MYO3B: variants seen among roughly 807,000 people sequenced by gnomAD.
MYO3B encodes myosin-IIIb.
Under a neutral mutation model 174.6 loss-of-function variants are expected in MYO3B, and 156 were observed. The ratio of observed to expected loss-of-function variants is 0.89; its 90% confidence interval spans 0.78 to 1.02. MYO3B has a LOEUF of 1.02. MYO3B is among the 50% of genes least tolerant of loss of function. MYO3B has a pLI of 0.00. For synonymous variants in MYO3B, 563 were observed against 569.1 expected, an observed-to-expected ratio of 0.99 and a Z score of 0.15; for missense variants, 1,632 against 1,639.4, an observed-to-expected ratio of 1.00 and a Z score of 0.08.
chr2:170,355,579 A>G (rs1389966123), intron 8 of MYO3B, among the ~76,000 whole-genome samples: 1 of 151,516 alleles, frequency 6.6e-6, no homozygotes, highest in Non-Finnish European at 1.5e-5. Context: ...TTTGTTGCCA[A>G]CTCCCACTTG....
chr2:170,272,570 C>T (rs976797004), intron 7 of MYO3B, among the ~76,000 whole-genome samples: 11 of 152,162 alleles, frequency 7.2e-5, no homozygotes, highest in African/African-American at 2.7e-4. Context: ...ACAGTAGTGA[C>T]AGGGCAGGTA....
At chr2:170,580,718 A>ATATATATATATGTGTGTGTGTG (rs768974458) in intron 32 of MYO3B, among the ~76,000 whole-genome samples, 28 of 142,700 alleles carry the variant, frequency 2.0e-4, no homozygotes, top group African/African-American at 6.6e-4. Flanking sequence ...AACCTTATAT[A>ATATATATATATGTGTGTGTGTG]TGTGTGTGTG....
intron 7 of MYO3B, among the ~76,000 whole-genome samples, chr2:170,315,858 C>T (rs969880367): frequency 6.6e-6 from 1 of 152,166 alleles, no homozygotes; most frequent in African/African-American, 2.4e-5. Flanking sequence ...ACTTCAGAGC[C>T]CACACTCTGC....
intron 7 of MYO3B, among the ~76,000 whole-genome samples, chr2:170,267,004 T>C (rs935533272): frequency 6.6e-6 from 1 of 152,256 alleles, no homozygotes; most frequent in African/African-American, 2.4e-5. Context: ...GATTAACATC[T>C]TGATACACAT....
At chr2:170,647,058 C>A (rs756656192) in intron 32 of MYO3B, 1 of 462,416 alleles carries the variant, frequency 2.2e-6, no homozygotes, top group Non-Finnish European at 3.9e-6. Flanking sequence ...ATGTCACTAA[C>A]GTCTTCTTAT....
intron 32 of MYO3B, among the ~76,000 whole-genome samples, chr2:170,564,792 CTG>C (rs1231067986): frequency 1.3e-5 from 2 of 151,768 alleles, no homozygotes; most frequent in South Asian, 4.2e-4. Context: ...TAATATGTAA[CTG>C]TTAAAAATTA....
intron 5 of MYO3B, among the ~76,000 whole-genome samples, chr2:170,215,741 G>A (rs1203794148): frequency 2.0e-5 from 3 of 152,140 alleles, no homozygotes; most frequent in Non-Finnish European, 4.4e-5. Flanking sequence ...TTTTGTTTAA[G>A]TCTTATGCTC....
At chr2:170,219,746 C>G (rs374920878) in intron 6 of MYO3B, among the ~76,000 whole-genome samples, 1 of 152,118 alleles carries the variant, frequency 6.6e-6, no homozygotes, top group African/African-American at 2.4e-5. Context: ...GGCTTCACAA[C>G]TATTGATATT....
At position 170,199,355 on chromosome 2, in the gene MYO3B, G is replaced by A; in HGVS notation, c.150G>A (p.Gly50=). 6.2e-7 allele frequency: 1 copy of A among 1,612,124 alleles called. No individual in the cohort carries two copies. ...ACAAGGTAACTAACAAGAGAGATGG[G>A]AGCCTGGCTGCAGTGAAAATTCTGG... The part of the protein sequence containing the change: ...KVYKVTNKRD[G]SLAAVKILDP... Residue 50 remains glycine (G), a synonymous_variant, in exon 2 of 35, where the codon GGG becomes GGA. Transcript: ENST00000408978.
intron 32 of MYO3B, among the ~76,000 whole-genome samples, chr2:170,561,500 A>G (rs1342899084): frequency 6.6e-6 from 1 of 152,190 alleles, no homozygotes; most frequent in African/African-American, 2.4e-5. Flanking sequence ...GGCTAATGGA[A>G]TCCATGCACC....
chr2:170,610,762 C>T (rs961717795), intron 32 of MYO3B, among the ~76,000 whole-genome samples: 3 of 152,144 alleles, frequency 2.0e-5, no homozygotes, highest in Non-Finnish European at 4.4e-5. Context: ...TCTGTGATTG[C>T]ATAATTTCAT....
rs1028470824 is a variant in MYO3B, at chr2:170,206,125, A to C, written c.321+5841A>C. ...GAACTCATCACACACATGTACCCTC[A>C]CATGCACATTCCCCCTCATTCTTTC... On this transcript the variant is annotated intron_variant, in intron 3 of 34. Coordinates refer to ENST00000408978, the MANE Select transcript of MYO3B (RefSeq NM_138995.5). This position sits in a 1 kb window ranked among gnomAD's most constrained non-coding sequence, Gnocchi z 4.3. Among the ~76,000 whole-genome samples, 5 of 152,032 alleles carry C rather than the reference A, an allele frequency of 3.3e-5. No individual in the cohort carries two copies. Among genetic ancestry groups the C allele is most frequent in the Admixed American group, 3.3e-4 (5 of 15,242 alleles).
At chr2:170,416,476 T>C (rs2094579158) in intron 22 of MYO3B, among the ~76,000 whole-genome samples, 1 of 148,734 alleles carries the variant, frequency 6.7e-6, no homozygotes, top group African/African-American at 2.5e-5. Flanking sequence ...TGAGCTAAGA[T>C]TGTGCCGTTG....
chr2:170,231,977 T>C (rs965880257), intron 6 of MYO3B, among the ~76,000 whole-genome samples: 1 of 152,166 alleles, frequency 6.6e-6, no homozygotes, highest in Non-Finnish European at 1.5e-5. Context: ...GGGTGTGCAT[T>C]TGGGATCCTG....
At chr2:170,266,711 G>C (rs2093386470) in intron 7 of MYO3B, among the ~76,000 whole-genome samples, 1 of 152,070 alleles carries the variant, frequency 6.6e-6, no homozygotes, top group Admixed American at 6.5e-5. Context: ...TCATCTGTGG[G>C]GTCAAAAGTT....
chr2:170,493,938 G>A (rs1686670104), intron 25 of MYO3B, among the ~76,000 whole-genome samples: 1 of 152,228 alleles, frequency 6.6e-6, no homozygotes, highest in Non-Finnish European at 1.5e-5. Flanking sequence ...TCCAGTGCCA[G>A]TCAGGCTTTA....
chr2:170,630,653 C>T (rs1461978535), intron 32 of MYO3B, among the ~76,000 whole-genome samples: 2 of 152,138 alleles, frequency 1.3e-5, no homozygotes, highest in Non-Finnish European at 2.9e-5. Flanking sequence ...CAGTAGAGGC[C>T]GACTGACACC....
chr2:170,260,071 A>G (rs987296075), intron 7 of MYO3B, among the ~76,000 whole-genome samples: 1 of 152,108 alleles, frequency 6.6e-6, no homozygotes, highest in African/African-American at 2.4e-5. Flanking sequence ...AAAAAATAAC[A>G]TGTTGGTGAG....
intron 32 of MYO3B, among the ~76,000 whole-genome samples, chr2:170,631,164 T>C (rs1271856128): frequency 6.6e-6 from 1 of 151,978 alleles, no homozygotes; most frequent in Non-Finnish European, 1.5e-5. Context: ...AAAGATTAGA[T>C]GAATGGCTAA....
Sources: gnomAD v4.1 joint callset for allele counts (sites outside exome capture counted in the v4.1 genomes callset) on GRCh38, gnomAD v4.1.1 for gene constraint, Gnocchi (gnomAD v3.1) non-coding constraint, MANE v1.5 for transcripts, NCBI Gene and HGNC (gene_info 2026-07-23, HGNC 2026-07-21) for gene names.